KCTD3: variants seen among roughly 807,000 people sequenced by gnomAD.
KCTD3 encodes the protein BTB/POZ domain-containing protein KCTD3.
In KCTD3, 41 loss-of-function variants were observed where a neutral mutation model predicts 85.8. The ratio of observed to expected loss-of-function variants is 0.48; its 90% CI spans 0.37 to 0.62. The LOEUF (loss-of-function observed/expected upper bound fraction) is 0.62. Among genes scored for constraint, KCTD3 ranks in the 20% least tolerant of loss-of-function variants. The pLI is 0.00. For synonymous variants in KCTD3, 338 were observed against 345.4 expected (o/e 0.98, Z 0.24); for missense variants, 724 against 989.9 (o/e 0.73, Z 3.60).
chr1:215,597,074 T>G (rs945522660), intron 10 of KCTD3, among the ~76,000 whole-genome samples: 4 of 152,160 alleles, frequency 2.6e-5, no homozygotes, highest in African/African-American at 9.7e-5. Context: ...TGTAGTTCTT[T>G]AGTTACATAA....
chr1:215,578,071 G>T lies in KCTD3; in HGVS notation c.387G>T (p.Leu129Phe). 2 of 1,610,224 alleles carry T rather than the reference G, an allele frequency of 1.2e-6. No individual in the cohort carries two copies. Among genetic ancestry groups the T allele is most frequent in the Non-Finnish European group, 1.7e-6 (2 of 1,177,770 alleles). The change falls in exon 6 of 18, where the codon TTG becomes TTT. Residue 129 changes from leucine (L) to phenylalanine (F), a missense_variant. Physicochemically the swap from Leu to Phe is conservative, Grantham distance 22. Coordinates refer to ENST00000259154, the MANE Select transcript of KCTD3 (RefSeq NM_016121.5). The stretch of plus-strand genomic sequence containing the variant: ...GCAGTGTCCTTTTTCATGGTTACTT[G>T]CCCCCACCAGGTATTTTCACTTTAT... The part of the protein sequence containing the change: ...SCGSVLFHGY[L>F]PPPGIPSRKI...
chr1:215,608,622 T>C (rs747467855), intron 14 of KCTD3, among the ~76,000 whole-genome samples: 9 of 151,950 alleles, frequency 5.9e-5, no homozygotes, highest in Non-Finnish European at 1.2e-4. Flanking sequence ...CCTTTGATAT[T>C]CTCTGATTTC....
chr1:215,579,824 G>T, intron 7 of KCTD3, 85 bp from the exon 8 acceptor site: 2 of 895,948 alleles, frequency 2.2e-6, no homozygotes, highest in Non-Finnish European at 3.7e-6. Context: ...ACCAAAACAG[G>T]CAGAAGGCTG....
Position 215,620,818 on chromosome 1 carries a change from A to G in KCTD3, c.*200A>G. ...ACATTTTGGAAATTTTTTTAATTTTACAAGTACATTTAACAGATCATTTAT... is the reference window on the plus strand; with the variant it reads ...ACATTTTGGAAATTTTTTTAATTTTGCAAGTACATTTAACAGATCATTTAT... On this transcript the variant is annotated 3_prime_UTR_variant, in exon 18 of 18. Coordinates refer to ENST00000259154, the MANE Select transcript of KCTD3 (RefSeq NM_016121.5). 2 of 509,240 alleles carry G rather than the reference A, an allele frequency of 3.9e-6. No homozygotes were observed. The highest frequency in any genetic ancestry group is 7.5e-5 in the South Asian group (2 of 26,708). 31.5% of individuals were successfully genotyped at this position (509,240 alleles called of 1,614,324 possible).
chr1:215,587,665 G>A (rs1558234069), intron 9 of KCTD3, among the ~76,000 whole-genome samples: 1 of 152,082 alleles, frequency 6.6e-6, no homozygotes, highest in Non-Finnish European at 1.5e-5. Flanking sequence ...TGTTTTGATT[G>A]AAGTATATGA....
rs1275198002 is a variant in KCTD3, at chr1:215,584,682, A to AGGG, written c.627-1812_627-1811insGGG. On this transcript the variant is annotated intron_variant, in intron 8 of 17. Transcript: ENST00000259154. The stretch of plus-strand genomic sequence containing the variant: ...CCAGTTTTTCCCAGGGGCTTTTATC[A>AGGG]GCTCTATGAGTCAAATTTGATTCCT... 7.9e-5 allele frequency among the ~76,000 whole-genome samples: 12 copies of AGGG among 152,296 alleles called. No homozygotes were observed. In the East Asian group the frequency reaches 2.1e-3, roughly 27 times the overall value.
intron 8 of KCTD3, among the ~76,000 whole-genome samples, chr1:215,582,117 G>A (rs570289841): frequency 1.3e-5 from 2 of 152,290 alleles, no homozygotes; most frequent in South Asian, 4.1e-4. Flanking sequence ...AATCCTTGTG[G>A]AGTTTACTTT....
chr1:215,595,388 C>G lies in KCTD3; in HGVS notation c.850C>G (p.Leu284Val), dbSNP rs1558237194. 4 of 1,613,342 alleles carry G rather than the reference C, an allele frequency of 2.5e-6. No homozygotes were observed. The highest frequency in any genetic ancestry group is 3.4e-6 in the Non-Finnish European group (4 of 1,179,442). The change falls in exon 10 of 18, where the codon CTC (leucine) becomes GTC (valine). Residue 284 changes from leucine to valine, a missense_variant. Transcript: ENST00000259154. ...VFSLGVPVDA[L>V]FFIGNQLVAT... ...CAGCCTGGGTGTTCCTGTAGATGCTCTCTTCTTTATTGGTAACCAGTTGGT... is the reference window on the plus strand; with the variant it reads ...CAGCCTGGGTGTTCCTGTAGATGCTGTCTTCTTTATTGGTAACCAGTTGGT...
chr1:215,599,717 C>T (rs1182245055), intron 10 of KCTD3, among the ~76,000 whole-genome samples: 2 of 152,038 alleles, frequency 1.3e-5, no homozygotes, highest in African/African-American at 4.8e-5. Flanking sequence ...CCTCTGCTTT[C>T]TCTGTTTTCC....
chr1:215,592,704 A>G (rs559688500), intron 9 of KCTD3, among the ~76,000 whole-genome samples: 2 of 152,332 alleles, frequency 1.3e-5, no homozygotes, highest in Admixed American at 6.5e-5. Context: ...TTGTTAACAA[A>G]TATTCTTCAG....
intron 1 of KCTD3, among the ~76,000 whole-genome samples, chr1:215,572,108 C>G (rs1241040746): frequency 2.0e-5 from 3 of 152,174 alleles, no homozygotes; most frequent in South Asian, 2.1e-4. Flanking sequence ...TGTGTCAACA[C>G]CAGTGTATTC....
At chr1:215,592,198 G>T (rs1396485638) in intron 9 of KCTD3, among the ~76,000 whole-genome samples, 1 of 152,184 alleles carries the variant, frequency 6.6e-6, no homozygotes, top group Non-Finnish European at 1.5e-5. Flanking sequence ...GTGGGGCACA[G>T]AACCAAACTG....
At chr1:215,602,447 C>T (rs1391242207) in intron 12 of KCTD3, among the ~76,000 whole-genome samples, 2 of 149,318 alleles carry the variant, frequency 1.3e-5, no homozygotes, top group Non-Finnish European at 3.0e-5. Context: ...TTTGTTGAGC[C>T]ATATTATTAT....
chr1:215,619,091 A>T (rs757941126), intron 16 of KCTD3, 21 bp downstream of exon 16: 4 of 1,609,312 alleles, frequency 2.5e-6, no homozygotes, highest in Non-Finnish European at 3.4e-6. Context: ...ATACAGAAAG[A>T]TGTTTGTCAC....
chr1:215,573,753 T>C lies in KCTD3; in HGVS notation c.84-33T>C, dbSNP rs1259378691. The C allele has an allele frequency of 2.3e-6, 3 of 1,310,862 alleles. No individual in the cohort carries two copies. In the South Asian group the frequency reaches 3.9e-5, roughly 17 times the overall value. 81.2% of individuals were successfully genotyped at this position (1,310,862 alleles called of 1,614,324 possible). ...AATACTGAAATTTCAAATCATGTTCTCACTTATAATACCAGATGATTTTTA... is the reference window on the plus strand; with the variant it reads ...AATACTGAAATTTCAAATCATGTTCCCACTTATAATACCAGATGATTTTTA... On this transcript the variant is annotated intron_variant, in intron 1 of 17. Transcript: ENST00000259154.
At position 215,596,747 on chromosome 1, in the gene KCTD3, G is replaced by T. The variant is rs560203207; in HGVS notation, c.933+1276G>T. On this transcript the variant is annotated intron_variant, in intron 10 of 17. Transcript: ENST00000259154. ...TCCAAGTGATAGCTTAAGGATCAAG[G>T]CTGGTTTGAAAAAAAAGATAATTGG... 3.9e-5 allele frequency among the ~76,000 whole-genome samples: 6 copies of T among 152,132 alleles called. No individual in the cohort carries two copies. In the East Asian group the frequency reaches 1.2e-3, roughly 29 times the overall value.
Position 215,595,488 on chromosome 1 carries a change from T to A in KCTD3, c.933+17T>A, listed in dbSNP as rs1319939723. The A allele has an allele frequency of 7.1e-7, 1 of 1,399,560 alleles. No individual in the cohort carries two copies. The highest frequency in any genetic ancestry group is 1.0e-6 in the Non-Finnish European group (1 of 987,744). The allele number at this position is 1,399,560 out of a possible 1,614,324, so 86.7% of individuals were successfully genotyped here. A position where few individuals can be genotyped will look rare whatever the true frequency, so the allele number is the denominator to read the frequency against. On this transcript the variant is annotated intron_variant, in intron 10 of 17. Transcript: ENST00000259154. The stretch of plus-strand genomic sequence containing the variant: ...CACTGGCAGGTTAGTTTAAAGCATA[T>A]TACAGAAGTGAAAATATTTCTGAAA...
chr1:215,572,162 A>G (rs1659394441), intron 1 of KCTD3, among the ~76,000 whole-genome samples: 1 of 152,230 alleles, frequency 6.6e-6, no homozygotes, highest in Non-Finnish European at 1.5e-5. Flanking sequence ...CAGATCGTAC[A>G]GAAGAATCAA....
intron 8 of KCTD3, among the ~76,000 whole-genome samples, chr1:215,581,912 C>T (rs954091377): frequency 2.0e-5 from 3 of 152,194 alleles, no homozygotes; most frequent in African/African-American, 7.2e-5. Flanking sequence ...CAGTAAGTTA[C>T]AAAACCTTTA....
Sources: gnomAD v4.1 joint callset for allele counts (sites outside exome capture counted in the v4.1 genomes callset) on GRCh38, gnomAD v4.1.1 for gene constraint, MANE v1.5 for transcripts, NCBI Gene and HGNC (gene_info 2026-07-23, HGNC 2026-07-21) for gene names.